Variants in PRKDC observed in about 807,000 individuals in gnomAD.
The protein encoded by PRKDC is protein kinase, DNA-activated, catalytic subunit.
In PRKDC, 82 loss-of-function variants were observed where a neutral mutation model predicts 486.9. That is an observed-to-expected ratio of 0.17 (90% CI 0.14 to 0.20). The LOEUF (loss-of-function observed/expected upper bound fraction) is 0.20, where lower values mean the gene tolerates loss of function less well. Ranked by LOEUF, PRKDC falls within the 10% of genes least tolerant of loss-of-function variation. The probability of loss-of-function intolerance (pLI) is 1.00; values close to 1 mark genes in which losing one functional copy is unlikely to be tolerated. For synonymous variants in PRKDC, 1,895 were observed against 1,837.0 expected (o/e 1.03, Z -0.81); for missense variants, 4,504 against 5,038.2 (o/e 0.89, Z 3.21).
intron 21 of PRKDC, among the ~76,000 whole-genome samples, chr8:47,919,139 A>G (rs116391321): frequency 3.3e-5 from 5 of 152,296 alleles, no homozygotes; most frequent in African/African-American, 1.2e-4. Context: ...CCAGATTATC[A>G]ACATTCACTC....
At chr8:47,906,372 C>T (rs1027899294) in intron 25 of PRKDC, among the ~76,000 whole-genome samples, 1 of 151,802 alleles carries the variant, frequency 6.6e-6, no homozygotes, top group Non-Finnish European at 1.5e-5. Flanking sequence ...TGGCCAGGCA[C>T]GATGTAATCC....
At chr8:47,932,069 TTTTGTTTGTTTG>T (rs376630854) in intron 16 of PRKDC, among the ~76,000 whole-genome samples, 8 of 149,850 alleles carry the variant, frequency 5.3e-5, no homozygotes, top group Non-Finnish European at 7.4e-5. Flanking sequence ...TTTTTTTGTA[TTTTGTTTGTTTG>T]TTTGTTTGTT....
At chr8:47,953,390 G>A (rs757927484) in intron 7 of PRKDC, among the ~76,000 whole-genome samples, 2 of 152,334 alleles carry the variant, frequency 1.3e-5, no homozygotes, top group Non-Finnish European at 1.5e-5. Flanking sequence ...GGTGAGATCT[G>A]ACAAAGCTCA....
rs538713166 is a variant in PRKDC, at chr8:47,868,395, T to TA, written c.5364-3633dup. On this transcript the variant is annotated intron_variant, in intron 40 of 85. Coordinates refer to ENST00000314191, the MANE Select transcript of PRKDC (RefSeq NM_006904.7). ...AATTTAGGAAGAACCTCTCTACGTTTAAAAAAAAAAAAAGAAAGAAGAAAA... is the reference window on the plus strand; with the variant it reads ...AATTTAGGAAGAACCTCTCTACGTTTAAAAAAAAAAAAAAGAAAGAAGAAAA... Among the ~76,000 whole-genome samples the TA allele has an allele frequency of 5.4e-3, 758 of 141,488 alleles. 4 individuals carry two copies. The highest frequency in any genetic ancestry group is 0.027 in the South Asian group (121 of 4,438). The allele number at this position is 141,488 out of a possible 152,430, so 92.8% of individuals were successfully genotyped here. A position where few individuals can be genotyped will look rare whatever the true frequency, so the allele number is the denominator to read the frequency against.
Position 47,823,935 on chromosome 8 carries a change from T to C in PRKDC, c.8845A>G (p.Thr2949Ala), listed in dbSNP as rs1311446722. The change falls in exon 64 of 86, where the codon ACA (threonine) becomes GCA (alanine). Residue 2949 changes from threonine to alanine, a missense_variant. Thr to Ala is a moderately conservative substitution (Grantham distance 58). This residue lies in a region of PRKDC where 1,592 missense variants were observed against 1,724.6 expected (regional missense o/e 0.92). Transcript: ENST00000314191. Reference sequence around the variant, plus strand: ...AATGCACTCTGAGTGATTTGCTTTGTTCCTATCTCACTGGTAAAAATCCCA... The same window carrying C: ...AATGCACTCTGAGTGATTTGCTTTGCTCCTATCTCACTGGTAAAAATCCCA... Reference protein sequence around the residue: ...LRGIFTSEIGTKQITQSALLA... With the variant: ...LRGIFTSEIGAKQITQSALLA... 3 of 1,613,888 alleles carry C rather than the reference T, an allele frequency of 1.9e-6. No homozygotes were observed. The highest frequency in any genetic ancestry group is 2.2e-5 in the South Asian group (2 of 91,068).
chr8:47,803,215 G>T, intron 70 of PRKDC, 91 bp downstream of exon 70: 1 of 1,248,142 alleles, frequency 8.0e-7, no homozygotes, highest in Non-Finnish European at 1.1e-6. Context: ...CCTCCCAAAT[G>T]TCAGATGATG....
chr8:47,930,131 T>TC, intron 17 of PRKDC, 119 bp from the exon 18 acceptor site: 2 of 837,934 alleles, frequency 2.4e-6, no homozygotes, highest in Non-Finnish European at 3.6e-6. Context: ...TGAGGTATCC[T>TC]AAAATGTTTA....
chr8:47,875,883 G>A (rs915909667), intron 40 of PRKDC, among the ~76,000 whole-genome samples: 1 of 152,118 alleles, frequency 6.6e-6, no homozygotes, highest in East Asian at 1.9e-4. Flanking sequence ...TTCTGCTGCC[G>A]TGCAGAATTC....
Position 47,831,029 on chromosome 8 carries a change from C to A in PRKDC, c.8266-293G>T, listed in dbSNP as rs372133927. On this transcript the variant is annotated intron_variant, in intron 60 of 85. Coordinates refer to ENST00000314191, the MANE Select transcript of PRKDC (RefSeq NM_006904.7). ...TTAAAAACCGGCTGGAGAGCTGCAT[C>A]TCTGGAAAGTCTCACTGAGAACGAG... Among the ~76,000 whole-genome samples the A allele has an allele frequency of 1.4e-4, 22 of 152,318 alleles. No homozygotes were observed. In the East Asian group the frequency reaches 4.3e-3, roughly 30 times the overall value.
intron 75 of PRKDC, 45 bp from the exon 76 acceptor site, chr8:47,789,094 C>T: frequency 6.2e-7 from 1 of 1,612,338 alleles, no homozygotes; most frequent in Non-Finnish European, 8.5e-7. Context: ...AGCTAGATTG[C>T]AATTAAGTTT....
rs759540759 is a variant in PRKDC, at chr8:47,803,358, G to A, written c.9870C>T (p.Ser3290=). 1.9e-6 allele frequency: 3 copies of A among 1,614,008 alleles called. No homozygotes were observed. In the East Asian group the frequency reaches 6.7e-5, roughly 36 times the overall value. ...YCRLSHCRSR[S]QGCSEQVLTV... Reference sequence around the variant, plus strand: ...TGAGCACCTGCTCAGAGCAGCCCTGGGACCGGCTCCGGCAGTGGCTCAGGC... The same window carrying A: ...TGAGCACCTGCTCAGAGCAGCCCTGAGACCGGCTCCGGCAGTGGCTCAGGC... The change falls in exon 70 of 86, where the codon TCC becomes TCT. Residue 3290 remains serine (S), a synonymous_variant. Transcript: ENST00000314191.
intron 71 of PRKDC, among the ~76,000 whole-genome samples, chr8:47,799,739 G>A (rs373926894): frequency 1.3e-5 from 2 of 152,288 alleles, no homozygotes; most frequent in South Asian, 2.1e-4. Context: ...GATGCTAGTA[G>A]CATCATGGAA....
intron 39 of PRKDC, 75 bp from the exon 40 acceptor site, chr8:47,877,926 A>C: frequency 9.1e-7 from 1 of 1,102,188 alleles, no homozygotes; most frequent in Middle Eastern, 3.3e-4. Context: ...TTATATACTA[A>C]AAATATAAAA....
At chr8:47,939,760 T>C (rs1563814307) in intron 10 of PRKDC, 63 bp from the exon 11 acceptor site, 2 of 1,344,468 alleles carry the variant, frequency 1.5e-6, no homozygotes, top group East Asian at 2.5e-5. Context: ...TATACAAACA[T>C]GGAAAAACTA....
chr8:47,791,930 T>C (rs978802836), intron 74 of PRKDC, among the ~76,000 whole-genome samples: 1 of 152,144 alleles, frequency 6.6e-6, no homozygotes, highest in African/African-American at 2.4e-5. Flanking sequence ...ACGGCCAAAA[T>C]TTGGAAGCAA....
In PRKDC at chr8:47,798,224, TAA is replaced by T; in HGVS notation, c.10458+11_10458+12del. 2.5e-6 allele frequency: 4 copies of T among 1,604,824 alleles called. No individual in the cohort carries two copies. The highest frequency in any genetic ancestry group is 3.4e-6 in the Non-Finnish European group (4 of 1,177,584). On this transcript the variant is annotated intron_variant, in intron 73 of 85. Transcript: ENST00000314191. ...TAAAGTTCCTTACCGCCAAGTAGAATAAAGACACCAACCTCTTTTGTCATGAG... is the reference window on the plus strand; with the variant it reads ...TAAAGTTCCTTACCGCCAAGTAGAATAGACACCAACCTCTTTTGTCATGAG...
chr8:47,937,432 C>G (rs916253539), intron 11 of PRKDC, among the ~76,000 whole-genome samples: 1 of 152,202 alleles, frequency 6.6e-6, no homozygotes, highest in Non-Finnish European at 1.5e-5. Context: ...GTCCCTGCCC[C>G]AAGGCTGTCC....
chr8:47,776,743 A>T (rs2086614633), intron 85 of PRKDC, 101 bp downstream of exon 85: 6 of 1,426,816 alleles, frequency 4.2e-6, no homozygotes, highest in Middle Eastern at 1.7e-4. Flanking sequence ...AGTCATGCTA[A>T]CAGAGTGTCA....
chr8:47,874,722 T>C (rs998418108), intron 40 of PRKDC, among the ~76,000 whole-genome samples: 1 of 152,148 alleles, frequency 6.6e-6, no homozygotes, highest in African/African-American at 2.4e-5. Context: ...CACTACAGCA[T>C]GGGAGACAAA....
Sources: gnomAD v4.1 joint callset for allele counts (sites outside exome capture counted in the v4.1 genomes callset) on GRCh38, gnomAD v4.1.1 for gene constraint, gnomAD v4.1.1 regional missense constraint, MANE v1.5 for transcripts, NCBI Gene and HGNC (gene_info 2026-07-23, HGNC 2026-07-21) for gene names.